Variants in PAM observed in about 807,000 individuals in gnomAD.
The protein encoded by PAM is peptidyl-glycine alpha-amidating monooxygenase.
A neutral mutation model predicts 122.1 loss-of-function variants in PAM; 72 were observed. The ratio of observed to expected loss-of-function variants is 0.59; its 90% CI spans 0.49 to 0.72. The LOEUF is 0.72. Ranked by LOEUF, PAM falls within the 30% of genes least tolerant of loss-of-function variation. PAM has a pLI of 0.00. For synonymous variants in PAM, 389 were observed against 404.4 expected (o/e 0.96, Z 0.46); for missense variants, 1,106 against 1,183.7 (o/e 0.93, Z 0.96).
chr5:102,946,720 G>T, intron 7 of PAM, 117 bp from the exon 8 acceptor site: 1 of 689,042 alleles, frequency 1.5e-6, no homozygotes, highest in South Asian at 1.6e-5. Context: ...GAACCATACA[G>T]ATGAAACATA....
In PAM at chr5:102,961,710, T is replaced by C. The variant is rs141629137; in HGVS notation, c.1162+481T>C. Reference sequence around the variant, plus strand: ...CAAGGTAGGAGCGATTATTGTCTTATACATCTATAGTTTTGTGTTAAGTTG... The same window carrying C: ...CAAGGTAGGAGCGATTATTGTCTTACACATCTATAGTTTTGTGTTAAGTTG... On this transcript the variant is annotated intron_variant, in intron 14 of 25. Coordinates refer to ENST00000438793, the MANE Select transcript of PAM (RefSeq NM_001177306.2). Among the ~76,000 whole-genome samples, 374 of 152,052 alleles carry C rather than the reference T, an allele frequency of 2.5e-3. 2 individuals are homozygous for C. The highest frequency in any genetic ancestry group is 0.024 in the South Asian group (116 of 4,828).
At chr5:102,952,021 A>G (rs924187511) in intron 12 of PAM, among the ~76,000 whole-genome samples, 1 of 152,084 alleles carries the variant, frequency 6.6e-6, no homozygotes, top group African/African-American at 2.4e-5. Context: ...GAGGGTATCC[A>G]TCAGTTGTTC....
In PAM at chr5:102,994,257, A is replaced by G. The variant is rs76284732; in HGVS notation, c.1613+3856A>G. On this transcript the variant is annotated intron_variant, in intron 16 of 25. Transcript: ENST00000438793. ...CTTTCCAATTATGGGACCCATCTAG[A>G]TGTTATAAAGTTCTTCATTATTTTA... Among the ~76,000 whole-genome samples, 645 of 152,206 alleles carry G rather than the reference A, an allele frequency of 4.2e-3. 5 individuals carry two copies. Among genetic ancestry groups the G allele is most frequent in the African/African-American group, 0.014 (568 of 41,548 alleles).
At chr5:102,924,816 C>T in intron 5 of PAM, 141 bp from the exon 6 acceptor site, 1 of 564,406 alleles carries the variant, frequency 1.8e-6, no homozygotes. Context: ...TTATTCGGAT[C>T]TTAAAGCTAA....
intron 16 of PAM, among the ~76,000 whole-genome samples, chr5:103,000,226 A>G (rs561352124): frequency 6.6e-6 from 1 of 152,264 alleles, no homozygotes; most frequent in Admixed American, 6.5e-5. Flanking sequence ...CTTCAGTTCA[A>G]AGTTCCACAG....
At chr5:102,970,516 GA>G (rs1765500658) in intron 14 of PAM, among the ~76,000 whole-genome samples, 5 of 152,180 alleles carry the variant, frequency 3.3e-5, no homozygotes, top group Non-Finnish European at 7.3e-5. Flanking sequence ...AGCCCTAAGT[GA>G]GTGTATGTAT....
chr5:102,966,569 G>T (rs971260704), intron 14 of PAM, among the ~76,000 whole-genome samples: 17 of 152,028 alleles, frequency 1.1e-4, no homozygotes, highest in African/African-American at 4.1e-4. Flanking sequence ...TAAATATTGT[G>T]GGACAGTAAT....
At chr5:102,909,677 A>C (rs1031812688) in intron 4 of PAM, among the ~76,000 whole-genome samples, 2 of 151,906 alleles carry the variant, frequency 1.3e-5, no homozygotes, top group African/African-American at 2.4e-5. Context: ...ATTTTTACCA[A>C]GTTCCATAGG....
chr5:102,880,662 G>A (rs1581253750), intron 3 of PAM, among the ~76,000 whole-genome samples: 2 of 151,470 alleles, frequency 1.3e-5, no homozygotes, highest in Non-Finnish European at 2.9e-5. Context: ...GGAAAATCCT[G>A]GATAATAAAA....
At chr5:102,859,335 A>AGTGTGTGT (rs57728525) in intron 1 of PAM, among the ~76,000 whole-genome samples, 47 of 142,408 alleles carry the variant, frequency 3.3e-4, no homozygotes, top group African/African-American at 1.1e-3. Flanking sequence ...GGCCCAGGCT[A>AGTGTGTGT]GTGTGTGTGT....
At chr5:102,762,395 A>G (rs142953188) in intron 1 of PAM, among the ~76,000 whole-genome samples, 1 of 152,260 alleles carries the variant, frequency 6.6e-6, no homozygotes, top group African/African-American at 2.4e-5. Flanking sequence ...TCTTTTGAGA[A>G]CTGTTTCCAG....
intron 1 of PAM, among the ~76,000 whole-genome samples, chr5:102,766,200 A>G (rs759499823): frequency 4.8e-4 from 73 of 152,196 alleles, no homozygotes; most frequent in Non-Finnish European, 9.0e-4. Flanking sequence ...GGGGTGATTC[A>G]AGTGCATTAC....
chr5:102,819,095 A>G (rs1386040361), intron 1 of PAM, among the ~76,000 whole-genome samples: 1 of 152,156 alleles, frequency 6.6e-6, no homozygotes, highest in Non-Finnish European at 1.5e-5. Flanking sequence ...TTTCTCTTTA[A>G]TCTCTCCTAT....
chr5:102,828,987 C>G (rs1447738766), intron 1 of PAM, among the ~76,000 whole-genome samples: 1 of 148,606 alleles, frequency 6.7e-6, no homozygotes, highest in Non-Finnish European at 1.5e-5. Context: ...TTCTTGCACT[C>G]CAGCAATCCT....
intron 1 of PAM, among the ~76,000 whole-genome samples, chr5:102,756,464 C>G (rs1750362496): frequency 6.6e-6 from 1 of 152,284 alleles, no homozygotes; most frequent in African/African-American, 2.4e-5. Flanking sequence ...GTTTTACATT[C>G]TTTACAATCG....
At chr5:102,872,943 G>T (rs1055482169) in intron 3 of PAM, among the ~76,000 whole-genome samples, 2 of 152,080 alleles carry the variant, frequency 1.3e-5, no homozygotes, top group Admixed American at 1.3e-4. Context: ...CGGAGGGAAA[G>T]GATTTAAAAA....
In PAM at chr5:102,918,422, T is replaced by C. The variant is rs1477080208; in HGVS notation, c.356+4401T>C. Among the ~76,000 whole-genome samples, 2 of 152,164 alleles carry C rather than the reference T, an allele frequency of 1.3e-5. 1 individual carries two copies. The highest frequency in any genetic ancestry group is 4.1e-4 in the South Asian group (2 of 4,828). On this transcript the variant is annotated intron_variant, in intron 5 of 25. Coordinates refer to ENST00000438793, the MANE Select transcript of PAM (RefSeq NM_001177306.2). ...CTAAGCTCTAAGTGAGCAGATGCTC[T>C]TTTGAAGTTGTTAGAGTCAGTAATG...
intron 21 of PAM, among the ~76,000 whole-genome samples, chr5:103,011,800 G>C (rs1234386910): frequency 1.3e-5 from 2 of 149,848 alleles, no homozygotes; most frequent in Non-Finnish European, 3.0e-5. Flanking sequence ...TTTCTGGCTT[G>C]TATGATAGCT....
intron 1 of PAM, among the ~76,000 whole-genome samples, chr5:102,810,340 G>T (rs1214581755): frequency 1.3e-5 from 2 of 152,096 alleles, no homozygotes; most frequent in East Asian, 3.9e-4. Flanking sequence ...GTTCCAAGTA[G>T]TTTTAGGCAG....
Sources: gnomAD v4.1 joint callset for allele counts (sites outside exome capture counted in the v4.1 genomes callset) on GRCh38, gnomAD v4.1.1 for gene constraint, MANE v1.5 for transcripts, NCBI Gene and HGNC (gene_info 2026-07-23, HGNC 2026-07-21) for gene names.